The following PARD3 variants were observed in gnomAD, a reference collection of about 807,000 sequenced individuals.
PARD3 encodes par-3 family cell polarity regulator.
A neutral mutation model predicts 155.4 loss-of-function variants in PARD3; 75 were observed. That is an observed-to-expected ratio of 0.48 (90% CI 0.40 to 0.58). The LOEUF (loss-of-function observed/expected upper bound fraction) is 0.58, where lower values mean the gene tolerates loss of function less well. Among genes scored for constraint, PARD3 ranks in the 20% least tolerant of loss-of-function variants. The probability of loss-of-function intolerance (pLI) is 0.00; values close to 1 mark genes in which losing one functional copy is unlikely to be tolerated. For synonymous variants in PARD3, 576 were observed against 610.5 expected, an observed-to-expected ratio of 0.94 and a Z score of 0.83; for missense variants, 1,642 against 1,721.7, an observed-to-expected ratio of 0.95 and a Z score of 0.82.
intron 2 of PARD3, among the ~76,000 whole-genome samples, chr10:34,667,122 G>C (rs12266557): frequency 0.021 from 3,221 of 152,112 alleles, 116 homozygotes; most frequent in African/African-American, 0.074. Context: ...GAGCTGAGAT[G>C]ACACCACTGC....
chr10:34,617,653 AAC>A (rs2091349747), intron 2 of PARD3, among the ~76,000 whole-genome samples: 1 of 152,210 alleles, frequency 6.6e-6, no homozygotes, highest in African/African-American at 2.4e-5. Context: ...GTCTATAGAT[AAC>A]ACAGTATTTG....
At chr10:34,263,023 A>G (rs568931734) in intron 22 of PARD3, among the ~76,000 whole-genome samples, 3 of 152,380 alleles carry the variant, frequency 2.0e-5, no homozygotes, top group Non-Finnish European at 2.9e-5. Flanking sequence ...TAATGAAGGA[A>G]GTGGCATCAG....
chr10:34,334,870 A>G (rs1164110666), intron 18 of PARD3, among the ~76,000 whole-genome samples: 1 of 151,858 alleles, frequency 6.6e-6, no homozygotes, highest in East Asian at 1.9e-4. Flanking sequence ...TATAACTTGG[A>G]TATCATTATG....
At chr10:34,140,874 C>T (rs546699633) in intron 22 of PARD3, among the ~76,000 whole-genome samples, 49 of 152,184 alleles carry the variant, frequency 3.2e-4, no homozygotes, top group Admixed American at 1.4e-3. Context: ...TAACAAGGGC[C>T]GCTTTTTTTG....
At chr10:34,450,227 A>C in intron 5 of PARD3, 90 bp downstream of exon 5, 1 of 1,212,476 alleles carries the variant, frequency 8.2e-7, no homozygotes, top group Non-Finnish European at 1.2e-6. Flanking sequence ...ACTTTTAATC[A>C]TCACCAGTGA....
At chr10:34,214,229 G>A (rs1186337366) in intron 22 of PARD3, among the ~76,000 whole-genome samples, 1 of 152,152 alleles carries the variant, frequency 6.6e-6, no homozygotes, top group Admixed American at 6.5e-5. Flanking sequence ...GGATGCTTTT[G>A]ATTAAGTAGA....
At chr10:34,804,806 T>C (rs915736181) in intron 1 of PARD3, among the ~76,000 whole-genome samples, 2 of 152,130 alleles carry the variant, frequency 1.3e-5, no homozygotes, top group African/African-American at 4.8e-5. Flanking sequence ...GTAAAAGAAA[T>C]TGAACAAAAA....
rs558185063 is a variant in PARD3 at position 34,231,919 on chromosome 10, C to G, written c.3419+37738G>C. Reference sequence around the variant, plus strand: ...TCCTCCTATAAAAATAGCACTTTGACCAAGAAATAGGCTTTCTGTTCTTAT... The same window carrying G: ...TCCTCCTATAAAAATAGCACTTTGAGCAAGAAATAGGCTTTCTGTTCTTAT... On this transcript the variant is annotated intron_variant, in intron 22 of 24. Coordinates refer to ENST00000374788, the MANE Select transcript of PARD3 (RefSeq NM_001184785.2). Among the ~76,000 whole-genome samples, 9 of 152,110 alleles carry G rather than the reference C, an allele frequency of 5.9e-5. No homozygotes were observed. In the South Asian group the frequency reaches 1.9e-3, roughly 32 times the overall value.
At chr10:34,537,898 C>A (rs1010157687) in intron 2 of PARD3, among the ~76,000 whole-genome samples, 4 of 152,196 alleles carry the variant, frequency 2.6e-5, no homozygotes, top group African/African-American at 9.6e-5. Context: ...GTTGCTTCTT[C>A]TTTGGAAAGA....
intron 20 of PARD3, chr10:34,312,398 G>A (rs1429971125): frequency 3.7e-6 from 6 of 1,611,992 alleles, no homozygotes; most frequent in South Asian, 1.1e-5. Flanking sequence ...TGAGAGACAC[G>A]GTACAGACAC....
At chr10:34,621,145 A>G (rs1260861646) in intron 2 of PARD3, among the ~76,000 whole-genome samples, 2 of 152,196 alleles carry the variant, frequency 1.3e-5, no homozygotes, top group African/African-American at 4.8e-5. Flanking sequence ...GGCAGGACAC[A>G]TGAAAGAATC....
intron 1 of PARD3, among the ~76,000 whole-genome samples, chr10:34,742,135 A>T (rs1319546652): frequency 6.6e-6 from 1 of 152,144 alleles, no homozygotes; most frequent in Non-Finnish European, 1.5e-5. Context: ...TGCTACTGAA[A>T]CTTGGTTCTT....
intron 2 of PARD3, among the ~76,000 whole-genome samples, chr10:34,581,234 C>CTTTTCTTTTTT (rs1395063490): frequency 2.0e-5 from 2 of 101,276 alleles, no homozygotes; most frequent in African/African-American, 4.2e-5. Context: ...TTTTTCTTTT[C>CTTTTCTTTTTT]TTTTTTTTTT....
At chr10:34,376,628 C>T (rs1841278161) in intron 10 of PARD3, among the ~76,000 whole-genome samples, 1 of 152,148 alleles carries the variant, frequency 6.6e-6, no homozygotes, top group African/African-American at 2.4e-5. Context: ...ATTTAACATA[C>T]GTTGTCACAT....
chr10:34,573,750 C>A (rs866898186), intron 2 of PARD3, among the ~76,000 whole-genome samples: 38 of 118,396 alleles, frequency 3.2e-4, no homozygotes, highest in African/African-American at 1.3e-3. Flanking sequence ...CACACACACA[C>A]ACACACACAC....
chr10:34,448,023 A>G (rs780674274), intron 5 of PARD3, among the ~76,000 whole-genome samples: 6 of 152,214 alleles, frequency 3.9e-5, no homozygotes, highest in Non-Finnish European at 8.8e-5. Flanking sequence ...TATCAAAGAC[A>G]TATTTGCAAT....
chr10:34,385,656 C>A (rs1464438902), intron 7 of PARD3, among the ~76,000 whole-genome samples: 1 of 152,208 alleles, frequency 6.6e-6, no homozygotes, highest in East Asian at 1.9e-4. Context: ...TTGCAGTCAT[C>A]TGTGTATGTT....
At chr10:34,477,719 A>T (rs915871196) in intron 3 of PARD3, among the ~76,000 whole-genome samples, 5 of 152,234 alleles carry the variant, frequency 3.3e-5, no homozygotes, top group African/African-American at 4.8e-5. Context: ...CTATTTAACC[A>T]CTTAAGGCAA....
intron 2 of PARD3, among the ~76,000 whole-genome samples, chr10:34,644,685 T>C (rs948241029): frequency 2.6e-5 from 4 of 152,178 alleles, no homozygotes; most frequent in Non-Finnish European, 5.9e-5. Flanking sequence ...ATGAAAAGCC[T>C]TTATGTTTGG....
Sources: allele counts gnomAD v4.1 joint callset (sites outside exome capture counted in the v4.1 genomes callset), GRCh38; gene constraint gnomAD v4.1.1; transcripts MANE v1.5; gene names NCBI Gene and HGNC (gene_info 2026-07-23, HGNC 2026-07-21).